The following RNMT variants were observed in gnomAD, a reference collection of about 807,000 sequenced individuals.
RNMT encodes mRNA cap guanine-N(7) methyltransferase.
In RNMT, 27 loss-of-function variants were observed where a neutral mutation model predicts 56.0. That is an observed-to-expected ratio of 0.48 (90% CI 0.36 to 0.67). RNMT has a LOEUF of 0.67. Ranked by LOEUF, RNMT falls within the 30% of genes least tolerant of loss-of-function variation. The probability of loss-of-function intolerance (pLI) is 0.00; values close to 1 mark genes in which losing one functional copy is unlikely to be tolerated. For synonymous variants in RNMT, 184 were observed against 176.2 expected (o/e 1.04, Z -0.35); for missense variants, 519 against 552.1 (o/e 0.94, Z 0.60).
Position 13,730,745 on chromosome 18 carries a change from G to C in RNMT, c.-53G>C, listed in dbSNP as rs1039041723. On this transcript the variant is annotated 5_prime_UTR_variant, in exon 2 of 12. Transcript: ENST00000383314. ...GATACCAAAATCTCAGCTTCACAAA[G>C]TCATTGAAAGGTATGTAGTGTAATC... is the stretch of plus-strand genomic sequence containing the variant. The C allele has an allele frequency of 6.6e-6, 1 of 152,212 alleles. No individual in the cohort carries two copies. Among genetic ancestry groups the C allele is most frequent in the Non-Finnish European group, 1.5e-5 (1 of 68,044 alleles). The allele number at this position is 152,212 out of a possible 1,614,324, so 9.4% of individuals were successfully genotyped here.
At chr18:13,753,785 A>AG (rs2044494235) in intron 10 of RNMT, among the ~76,000 whole-genome samples, 3 of 149,622 alleles carry the variant, frequency 2.0e-5, no homozygotes, top group Admixed American at 2.0e-4. Context: ...AAAGAAAAAA[A>AG]AAATAATACA....
In RNMT at chr18:13,762,012, C is replaced by A. The variant is rs4461147; in HGVS notation, c.*2033C>A. The A allele has an allele frequency of 0.88, 1,352,096 of 1,535,584 alleles. 595,984 individuals carry two copies. The highest frequency in any genetic ancestry group is 0.97 in the East Asian group (39,831 of 40,908). ...AGGACTCTTCCTTGACACACCTTGTCGTCTAAATGTTCGGTATTCTATTCA... is the reference window on the plus strand; with the variant it reads ...AGGACTCTTCCTTGACACACCTTGTAGTCTAAATGTTCGGTATTCTATTCA... On this transcript the variant is annotated 3_prime_UTR_variant, in exon 12 of 12. Transcript: ENST00000383314.
intron 7 of RNMT, 151 bp from the exon 8 acceptor site, chr18:13,742,337 T>TTA: frequency 4.0e-6 from 2 of 501,058 alleles, no homozygotes; most frequent in African/African-American, 2.2e-5. Flanking sequence ...CTTGTCACTT[T>TTA]AAAAAAAAAA....
intron 1 of RNMT, among the ~76,000 whole-genome samples, chr18:13,729,548 G>A (rs1363032786): frequency 6.6e-6 from 1 of 152,166 alleles, no homozygotes; most frequent in Non-Finnish European, 1.5e-5. Flanking sequence ...ATCATTTTAA[G>A]TATTTGTTCT....
rs759467376 is a variant in RNMT, at chr18:13,734,446, A to G, written c.418-18A>G. ...ATGTTCTGATCCTTGATTTTTTTCT[A>G]TTCTCTTTTATTTTCAGAATCTGGA... On this transcript the variant is annotated intron_variant, in intron 3 of 11. Coordinates refer to ENST00000383314, the MANE Select transcript of RNMT (RefSeq NM_003799.3). The G allele has an allele frequency of 1.8e-5, 28 of 1,585,960 alleles. No homozygotes were observed. The highest frequency in any genetic ancestry group is 3.4e-4 in the Middle Eastern group (2 of 5,948).
At chr18:13,756,525 G>A (rs1464501860) in intron 11 of RNMT, among the ~76,000 whole-genome samples, 1 of 152,156 alleles carries the variant, frequency 6.6e-6, no homozygotes, top group Admixed American at 6.5e-5. Context: ...TGCTGTGCAC[G>A]CTGATGTGTT....
chr18:13,752,449 T>G (rs771492112), intron 10 of RNMT, 22 bp downstream of exon 10: 1 of 1,404,536 alleles, frequency 7.1e-7, no homozygotes, highest in Non-Finnish European at 1.0e-6. Flanking sequence ...TTTATGAAAG[T>G]ATTTTATAGA....
chr18:13,742,455 C>T, intron 7 of RNMT, 33 bp from the exon 8 acceptor site: 1 of 1,596,456 alleles, frequency 6.3e-7, no homozygotes, highest in Non-Finnish European at 8.5e-7. Context: ...CAATTTTAAT[C>T]TTTTTATTTT....
Position 13,761,989 on chromosome 18 carries a change from G to C in RNMT, c.*2010G>C, listed in dbSNP as rs1194311088. 1 of 1,535,014 alleles carries C rather than the reference G, an allele frequency of 6.5e-7. No individual in the cohort carries two copies. Among genetic ancestry groups the C allele is most frequent in the African/African-American group, 1.4e-5 (1 of 72,986 alleles). On this transcript the variant is annotated 3_prime_UTR_variant, in exon 12 of 12. Coordinates refer to ENST00000383314, the MANE Select transcript of RNMT (RefSeq NM_003799.3). The stretch of plus-strand genomic sequence containing the variant: ...CACCAAGGTGGAAGGGAGCTAGTAG[G>C]ACTCTTCCTTGACACACCTTGTCGT...
At chr18:13,739,397 A>C (rs995229486) in intron 5 of RNMT, among the ~76,000 whole-genome samples, 1 of 152,258 alleles carries the variant, frequency 6.6e-6, no homozygotes, top group Non-Finnish European at 1.5e-5. Flanking sequence ...TGAAGAATAC[A>C]TGAAGTACTG....
chr18:13,747,231 TTG>T lies in RNMT; in HGVS notation c.1257+896_1257+897del, dbSNP rs1491123169. ...TAATTTTTTTCCTATTTTTTTTTTTTTGTTGTTAATGACAGGATCTCGCTCTG... is the reference window on the plus strand; with the variant it reads ...TAATTTTTTTCCTATTTTTTTTTTTTTTGTTAATGACAGGATCTCGCTCTG... On this transcript the variant is annotated intron_variant, in intron 9 of 11. Coordinates refer to ENST00000383314, the MANE Select transcript of RNMT (RefSeq NM_003799.3). Among the ~76,000 whole-genome samples, 190 of 67,614 alleles carry T rather than the reference TTG, an allele frequency of 2.8e-3. 4 individuals carry two copies. The highest frequency in any genetic ancestry group is 9.7e-3 in the East Asian group (9 of 926). 44.4% of individuals were successfully genotyped at this position (67,614 alleles called of 152,430 possible).
At chr18:13,740,325 TG>T in intron 6 of RNMT, 46 bp downstream of exon 6, 2 of 1,032,012 alleles carry the variant, frequency 1.9e-6, no homozygotes, top group Non-Finnish European at 2.9e-6. Context: ...ATTTTTAGTT[TG>T]GGTAAATAAT....
chr18:13,756,643 A>C (rs2044548975), intron 11 of RNMT, among the ~76,000 whole-genome samples: 1 of 152,202 alleles, frequency 6.6e-6, no homozygotes, highest in South Asian at 2.1e-4. Context: ...GCCACATTTC[A>C]TTTCAACTAA....
intron 3 of RNMT, among the ~76,000 whole-genome samples, chr18:13,733,190 C>T (rs911563429): frequency 1.3e-5 from 2 of 152,138 alleles, no homozygotes; most frequent in Admixed American, 1.3e-4. Context: ...CCTTTCAGCA[C>T]ATCAGTGAGA....
Position 13,752,252 on chromosome 18 carries a change from C to CA in RNMT, c.1258-73dup, listed in dbSNP as rs1250713255. The CA allele has an allele frequency of 4.8e-6, 4 of 835,760 alleles. No individual in the cohort carries two copies. The Admixed American group carries it at 7.5e-5, about 16-fold the overall frequency. 51.8% of individuals were successfully genotyped at this position (835,760 alleles called of 1,614,324 possible). On this transcript the variant is annotated intron_variant, in intron 9 of 11. Transcript: ENST00000383314. ...GATTATTCTCCTAATTATGTTATTT[C>CA]AGTGATTTAGCATGTTTAATTCTGA... is the stretch of plus-strand genomic sequence containing the variant.
intron 3 of RNMT, among the ~76,000 whole-genome samples, chr18:13,733,485 CTCCTGCCT>C (rs1460454346): frequency 3.3e-5 from 5 of 152,110 alleles, no homozygotes; most frequent in African/African-American, 1.2e-4. Flanking sequence ...TCAAGCGATT[CTCCTGCCT>C]CAGCCTCCTG....
At chr18:13,745,461 G>A (rs1337056240) in intron 8 of RNMT, among the ~76,000 whole-genome samples, 1 of 152,194 alleles carries the variant, frequency 6.6e-6, no homozygotes, top group Non-Finnish European at 1.5e-5. Flanking sequence ...AAAGGACTTA[G>A]TGATGTGTAT....
intron 9 of RNMT, among the ~76,000 whole-genome samples, chr18:13,751,409 A>C (rs2044444733): frequency 6.6e-6 from 1 of 152,366 alleles, no homozygotes; most frequent in South Asian, 2.1e-4. Flanking sequence ...AATCAAAACC[A>C]CAATGAGATA....
At chr18:13,744,159 CTTTTTTT>C (rs201093998) in intron 8 of RNMT, among the ~76,000 whole-genome samples, 23 of 91,424 alleles carry the variant, frequency 2.5e-4, no homozygotes, top group Middle Eastern at 6.3e-3. Flanking sequence ...TAGCGGTCTT[CTTTTTTT>C]TTTTTTTTTT....
Sources: gnomAD v4.1 joint callset for allele counts (sites outside exome capture counted in the v4.1 genomes callset) on GRCh38, gnomAD v4.1.1 for gene constraint, MANE v1.5 for transcripts, NCBI Gene and HGNC (gene_info 2026-07-23, HGNC 2026-07-21) for gene names.